Variants in LHFPL3 observed in about 807,000 individuals in gnomAD.
LHFPL3 encodes LHFPL tetraspan subfamily member 3.
LHFPL3 carries 5 observed loss-of-function variants against 19.3 expected under a neutral mutation model. The observed-to-expected ratio is 0.26, with a 90% CI of 0.14 to 0.54. The LOEUF (loss-of-function observed/expected upper bound fraction) is 0.54, where lower values mean the gene tolerates loss of function less well. LHFPL3 is among the 20% of genes least tolerant of loss of function. LHFPL3 has a pLI of 0.94. For missense variants in LHFPL3, 249 were observed against 307.4 expected, an observed-to-expected ratio of 0.81 and a Z score of 1.42; for synonymous variants, 133 against 126.2, an observed-to-expected ratio of 1.05 and a Z score of -0.36.
chr7:104,350,714 A>G (rs1158027403), intron 1 of LHFPL3, among the ~76,000 whole-genome samples: 2 of 152,180 alleles, frequency 1.3e-5, no homozygotes, highest in Non-Finnish European at 2.9e-5. Context: ...CATAAATACT[A>G]TGGAAGAGTG....
At chr7:104,549,720 T>C (rs1584394971) in intron 1 of LHFPL3, among the ~76,000 whole-genome samples, 1 of 152,138 alleles carries the variant, frequency 6.6e-6, no homozygotes, top group East Asian at 1.9e-4. Context: ...TGTGTTCCTA[T>C]ATCTATCTGG....
intron 1 of LHFPL3, among the ~76,000 whole-genome samples, chr7:104,492,811 G>A (rs1311983572): frequency 6.6e-6 from 1 of 152,030 alleles, no homozygotes; most frequent in Non-Finnish European, 1.5e-5. Flanking sequence ...AGAGGAGGAG[G>A]GAGATGCACA....
At chr7:104,531,369 A>G (rs550993967) in intron 1 of LHFPL3, among the ~76,000 whole-genome samples, 1 of 152,302 alleles carries the variant, frequency 6.6e-6, no homozygotes, top group South Asian at 2.1e-4. Flanking sequence ...AGAGTTGGCA[A>G]GGACCGGTGT....
chr7:104,700,676 A>C (rs1166969803), intron 1 of LHFPL3, among the ~76,000 whole-genome samples: 3 of 152,230 alleles, frequency 2.0e-5, no homozygotes, highest in Non-Finnish European at 4.4e-5. Context: ...AGAGAAGAGT[A>C]TTTTTAGCAT....
chr7:104,399,431 T>C lies in LHFPL3; in HGVS notation c.445+70207T>C, dbSNP rs1002986492. Among the ~76,000 whole-genome samples the C allele has an allele frequency of 1.3e-4, 18 of 140,940 alleles. No individual in the cohort carries two copies. Among genetic ancestry groups the C allele is most frequent in the Non-Finnish European group, 2.4e-4 (15 of 62,652 alleles). 92.5% of individuals were successfully genotyped at this position (140,940 alleles called of 152,430 possible). A position where few individuals can be genotyped will look rare whatever the true frequency, so the allele number is the denominator to read the frequency against. On this transcript the variant is annotated intron_variant, in intron 1 of 2. Coordinates refer to ENST00000424859, the MANE Select transcript of LHFPL3 (RefSeq NM_199000.3). The surrounding 1 kb of genome is among the most constrained non-coding windows in gnomAD (Gnocchi z 4.4). Reference sequence around the variant, plus strand: ...TACCTGGAAATGTACTATGTTCTTCTGTTTTTTTTTGTTTTTTAGGTTTTT... The same window carrying C: ...TACCTGGAAATGTACTATGTTCTTCCGTTTTTTTTTGTTTTTTAGGTTTTT...
chr7:104,608,838 A>T (rs908934788), intron 1 of LHFPL3, among the ~76,000 whole-genome samples: 2 of 152,148 alleles, frequency 1.3e-5, no homozygotes, highest in Admixed American at 1.3e-4. Flanking sequence ...CAAATTACAG[A>T]ACCCCTCTGT....
intron 1 of LHFPL3, among the ~76,000 whole-genome samples, chr7:104,520,815 G>A (rs1484604419): frequency 6.9e-6 from 1 of 144,112 alleles, no homozygotes; most frequent in African/African-American, 2.6e-5. Context: ...ATTTTTTATT[G>A]CGTCTATTTG....
Position 104,329,295 on chromosome 7 carries a change from G to A in LHFPL3, c.445+71G>A. 4.0e-6 allele frequency: 6 copies of A among 1,514,242 alleles called. No homozygotes were observed. The South Asian group carries it at 5.2e-5, about 13-fold the overall frequency. The allele number at this position is 1,514,242 out of a possible 1,614,324, so 93.8% of individuals were successfully genotyped here. A position where few individuals can be genotyped will look rare whatever the true frequency, so the allele number is the denominator to read the frequency against. ...CCGAGCCGGGGAGGGGCCAGAGTGG[G>A]AGGGACGGGGGCTGTGCGCGCCGCT... On this transcript the variant is annotated intron_variant, in intron 1 of 2. Coordinates refer to ENST00000424859, the MANE Select transcript of LHFPL3 (RefSeq NM_199000.3).
intron 1 of LHFPL3, among the ~76,000 whole-genome samples, chr7:104,390,680 A>G (rs1791047977): frequency 6.6e-6 from 1 of 152,192 alleles, no homozygotes. Context: ...ATGATTTATA[A>G]TCCTTTGGGT....
chr7:104,430,450 ATATATTTTTTTTTTTTTTTTTTT>A (rs1791975615), intron 1 of LHFPL3, among the ~76,000 whole-genome samples: 2 of 20,844 alleles, frequency 9.6e-5, no homozygotes, highest in African/African-American at 5.6e-4. Flanking sequence ...ATATATATAT[ATATATTTTTTTTTTTTTTTTTTT>A]TTTTTTTTTT....
At chr7:104,771,268 A>G (rs1794545635) in intron 2 of LHFPL3, among the ~76,000 whole-genome samples, 1 of 152,230 alleles carries the variant, frequency 6.6e-6, no homozygotes, top group Non-Finnish European at 1.5e-5. Flanking sequence ...TCACAGGTGT[A>G]TGGCACTTTC....
At chr7:104,686,967 G>A (rs1185718301) in intron 1 of LHFPL3, among the ~76,000 whole-genome samples, 1 of 152,156 alleles carries the variant, frequency 6.6e-6, no homozygotes, top group Admixed American at 6.5e-5. Flanking sequence ...AGTATCATGA[G>A]AACAGCATGG....
At chr7:104,829,982 TC>T (rs1790919307) in intron 2 of LHFPL3, among the ~76,000 whole-genome samples, 1 of 151,966 alleles carries the variant, frequency 6.6e-6, no homozygotes, top group Non-Finnish European at 1.5e-5. Flanking sequence ...CCACATCCTC[TC>T]CAGCACCTGT....
chr7:104,430,069 G>A (rs6962822), intron 1 of LHFPL3, among the ~76,000 whole-genome samples: 58,441 of 151,600 alleles, frequency 0.39, 13,519 homozygotes, highest in African/African-American at 0.63. Context: ...TATTTAGAAA[G>A]CAGGAAAGAA....
chr7:104,827,612 GTTTTT>G (rs1048553929), intron 2 of LHFPL3, among the ~76,000 whole-genome samples: 1 of 142,186 alleles, frequency 7.0e-6, no homozygotes, highest in South Asian at 2.2e-4. Flanking sequence ...GTTTTGTTTT[GTTTTT>G]TTTTTTGATT....
At chr7:104,506,466 A>C (rs1276848369) in intron 1 of LHFPL3, among the ~76,000 whole-genome samples, 89 of 152,128 alleles carry the variant, frequency 5.9e-4, no homozygotes, top group Non-Finnish European at 2.1e-4. Flanking sequence ...ATGTTCACTT[A>C]TTTGTCTCTG....
chr7:104,883,683 G>A (rs1792095447), intron 2 of LHFPL3, among the ~76,000 whole-genome samples: 1 of 152,136 alleles, frequency 6.6e-6, no homozygotes, highest in Non-Finnish European at 1.5e-5. Flanking sequence ...TAGCACTAAC[G>A]GGAGTTTCCT....
At chr7:104,740,700 C>T (rs977853375) in intron 2 of LHFPL3, among the ~76,000 whole-genome samples, 11 of 152,198 alleles carry the variant, frequency 7.2e-5, no homozygotes, top group African/African-American at 2.7e-4. Context: ...GTGAGACTTA[C>T]TCATTATCAC....
intron 1 of LHFPL3, among the ~76,000 whole-genome samples, chr7:104,667,166 TTTTTAATAATAGCCAGC>T: frequency 6.6e-6 from 1 of 152,250 alleles, no homozygotes; most frequent in Middle Eastern, 3.4e-3. Context: ...TTTTTTTTTC[TTTTTAATAATAGCCAGC>T]TTTTAAATGA....
Sources: gnomAD v4.1 joint callset for allele counts (sites outside exome capture counted in the v4.1 genomes callset) on GRCh38, gnomAD v4.1.1 for gene constraint, Gnocchi (gnomAD v3.1) non-coding constraint, MANE v1.5 for transcripts, NCBI Gene and HGNC (gene_info 2026-07-23, HGNC 2026-07-21) for gene names.